Variants in WNK2 observed in about 807,000 individuals in gnomAD.
WNK2 encodes WNK lysine deficient protein kinase 2.
Under a neutral mutation model 192.1 loss-of-function variants are expected in WNK2, and 67 were observed. The observed-to-expected ratio is 0.35, with a 90% CI of 0.29 to 0.43. The LOEUF (loss-of-function observed/expected upper bound fraction) is 0.43, where lower values mean the gene tolerates loss of function less well. WNK2 is among the 20% of genes least tolerant of loss of function. The pLI is 1.00. For synonymous variants in WNK2, 1,439 were observed against 1,393.9 expected (o/e 1.03, Z -0.72); for missense variants, 2,698 against 3,089.7 (o/e 0.87, Z 3.01).
chr9:93,184,950 C>T lies in WNK2; in HGVS notation c.21C>T (p.Arg7=). The change falls in exon 2 of 30, where the codon CGC becomes CGT. Residue 7 remains arginine (R), a synonymous_variant. Coordinates refer to ENST00000427277, the MANE Select transcript of WNK2 (RefSeq NM_006648.4). MDGDGG[R]RDVPGTLMEP... is the part of the protein sequence containing the mutation. ...CAGAGATGGACGGCGATGGCGGCCG[C>T]CGAGACGTCCCCGGCACGCTGATGG... is the stretch of plus-strand genomic sequence containing the variant. 8.1e-7 allele frequency: 1 copy of T among 1,232,384 alleles called. No individual in the cohort carries two copies. The highest frequency in any genetic ancestry group is 1.0e-6 in the Non-Finnish European group (1 of 989,574). The allele number at this position is 1,232,384 out of a possible 1,614,324, so 76.3% of individuals were successfully genotyped here.
Position 93,293,004 on chromosome 9 carries a change from C to A in WNK2, c.5539C>A (p.Pro1847Thr). The change falls in exon 23 of 30, where the codon CCT (proline) becomes ACT (threonine). Residue 1847 changes from proline (P) to threonine (T), a missense_variant. Pro to Thr is a conservative substitution (Grantham distance 38, BLOSUM62 -1). Around this residue, in one of 7 missense-constraint regions of WNK2, gnomAD observed 1,098 missense variants for 1,101.0 expected, o/e 1.00. Transcript: ENST00000427277. ...GAAGGCCACCGCCTTCCTGCAGAGGCCTTCTCGGGCCGGCTCGCTGGGCCC... is the reference window on the plus strand; with the variant it reads ...GAAGGCCACCGCCTTCCTGCAGAGGACTTCTCGGGCCGGCTCGCTGGGCCC... ...VKKATAFLQR[P>T]SRAGSLGPET... 1 of 1,588,058 alleles carries A rather than the reference C, an allele frequency of 6.3e-7. No individual in the cohort carries two copies. Among genetic ancestry groups the A allele is most frequent in the Non-Finnish European group, 8.6e-7 (1 of 1,168,438 alleles).
At chr9:93,254,815 AAAAAG>A (rs1324462707) in intron 9 of WNK2, among the ~76,000 whole-genome samples, 4 of 152,186 alleles carry the variant, frequency 2.6e-5, no homozygotes, top group Non-Finnish European at 4.4e-5. Flanking sequence ...AATTTAAAAA[AAAAAG>A]AAAAGAAAAG....
intron 19 of WNK2, among the ~76,000 whole-genome samples, chr9:93,275,829 C>CA (rs1486717569): frequency 6.6e-6 from 1 of 152,094 alleles, no homozygotes; most frequent in East Asian, 1.9e-4. Context: ...ATTGAAAACC[C>CA]AAAATTTGAA....
intron 19 of WNK2, among the ~76,000 whole-genome samples, chr9:93,269,903 A>G (rs1845781178): frequency 6.6e-6 from 1 of 152,256 alleles, no homozygotes; most frequent in Non-Finnish European, 1.5e-5. Flanking sequence ...GAGAATAACC[A>G]AAAAATGATA....
intron 19 of WNK2, among the ~76,000 whole-genome samples, chr9:93,281,352 T>A (rs1195692669): frequency 7.2e-6 from 1 of 138,420 alleles, no homozygotes; most frequent in African/African-American, 2.5e-5. Flanking sequence ...GAAATTTTTG[T>A]CAAAGAATTA....
At chr9:93,231,643 T>C (rs1327287655) in intron 4 of WNK2, among the ~76,000 whole-genome samples, 1 of 152,206 alleles carries the variant, frequency 6.6e-6, no homozygotes, top group African/African-American at 2.4e-5. Flanking sequence ...TCCACATACC[T>C]GCGGGGCGGG....
intron 2 of WNK2, among the ~76,000 whole-genome samples, chr9:93,223,785 C>T (rs549867082): frequency 3.3e-5 from 5 of 152,334 alleles, no homozygotes; most frequent in South Asian, 2.1e-4. Flanking sequence ...ACCAGGAGGG[C>T]GTGGAGTGTG....
chr9:93,239,122 C>T lies in WNK2; in HGVS notation c.1323-635C>T, dbSNP rs1443085152. 6.6e-6 allele frequency among the ~76,000 whole-genome samples: 1 copy of T among 152,222 alleles called. No homozygotes were observed. Among genetic ancestry groups the T allele is most frequent in the Non-Finnish European group, 1.5e-5 (1 of 68,032 alleles). ...CTTTGGGTGGCCAAGCCCTGCAGAG[C>T]CCCGAAGTGGTCACCATGGCAACAC... On this transcript the variant is annotated intron_variant, in intron 6 of 29. Transcript: ENST00000427277. This position sits in a 1 kb window ranked among gnomAD's most constrained non-coding sequence, Gnocchi z 4.2.
chr9:93,252,975 G>T lies in WNK2; in HGVS notation c.1927G>T (p.Ala643Ser), dbSNP rs545230085. Residue 643 changes from alanine (A) to serine (S), a missense_variant, in exon 9 of 30, where the codon GCA (alanine) becomes TCA (serine). Physicochemically the swap from Ala to Ser is moderately conservative, Grantham distance 99 (BLOSUM62 1). Transcript: ENST00000427277. ...CGTGATGCTTGGCTCCCTTGCCGAC[G>T]CAGCGCCGTCCCCGGCCCAGTGTGT... ...QSVMLGSLAD[A>S]APSPAQCVCS... 2 of 1,568,938 alleles carry T rather than the reference G, an allele frequency of 1.3e-6. No individual in the cohort carries two copies. The highest frequency in any genetic ancestry group is 1.4e-5 in the African/African-American group (1 of 73,706).
intron 27 of WNK2, 106 bp downstream of exon 27, chr9:93,306,927 G>A: frequency 3.5e-6 from 5 of 1,427,988 alleles, no homozygotes; most frequent in South Asian, 2.3e-5. Context: ...GGCCTGCCCT[G>A]TGCCTGCCCC....
At chr9:93,306,724 T>G in intron 26 of WNK2, 53 bp from the exon 27 acceptor site, 10 of 1,609,668 alleles carry the variant, frequency 6.2e-6, no homozygotes, top group Non-Finnish European at 8.5e-6. Context: ...TGTCCCAGTG[T>G]GTGCTGTTCT....
In WNK2 at chr9:93,257,305, T is replaced by TTG. The variant is rs2132794374; in HGVS notation, c.2382+166_2382+167insTG. Among the ~76,000 whole-genome samples, 4 of 152,260 alleles carry TTG rather than the reference T, an allele frequency of 2.6e-5. No homozygotes were observed. The highest frequency in any genetic ancestry group is 9.6e-5 in the African/African-American group (4 of 41,552). On this transcript the variant is annotated intron_variant, in intron 11 of 29. Transcript: ENST00000427277. This position sits in a 1 kb window ranked among gnomAD's most constrained non-coding sequence, Gnocchi z 4.7. ...GGGCTGGGGAGTCCGGGCTGGGCAGTGTGCACAGTCATATGCACCAGGAAC... is the reference window on the plus strand; with the variant it reads ...GGGCTGGGGAGTCCGGGCTGGGCAGTTGGTGCACAGTCATATGCACCAGGAAC...
chr9:93,317,977 G>A (rs779071580), intron 29 of WNK2: 3 of 1,612,606 alleles, frequency 1.9e-6, no homozygotes, highest in South Asian at 2.2e-5. Context: ...GGGACAGCGG[G>A]TGGGCAGCAA....
intron 2 of WNK2, among the ~76,000 whole-genome samples, chr9:93,202,051 G>T (rs1587835103): frequency 6.6e-6 from 1 of 152,320 alleles, no homozygotes; most frequent in East Asian, 1.9e-4. Context: ...GGTCACAGGG[G>T]GGTCTCACAC....
At chr9:93,186,918 C>T (rs550381255) in intron 2 of WNK2, among the ~76,000 whole-genome samples, 1 of 152,158 alleles carries the variant, frequency 6.6e-6, no homozygotes, top group Non-Finnish European at 1.5e-5. Flanking sequence ...CCTGTAGGTT[C>T]TGATGGTACA....
Position 93,229,917 on chromosome 9 carries a change from G to A in WNK2, c.854+49G>A, listed in dbSNP as rs373735051. On this transcript the variant is annotated intron_variant, in intron 3 of 29. Coordinates refer to ENST00000427277, the MANE Select transcript of WNK2 (RefSeq NM_006648.4). The surrounding 1 kb of genome is among the most constrained non-coding windows in gnomAD (Gnocchi z 4.9). Reference sequence around the variant, plus strand: ...GGGGCGGGTCCTGGCATGGGTGCAGGGCTACCATAGCTGAGGGTGAGGTCT... The same window carrying A: ...GGGGCGGGTCCTGGCATGGGTGCAGAGCTACCATAGCTGAGGGTGAGGTCT... 2.6e-5 allele frequency: 42 copies of A among 1,589,590 alleles called. 1 individual carries two copies. In the Admixed American group the frequency reaches 6.3e-4, roughly 24 times the overall value.
Position 93,253,074 on chromosome 9 carries a change from A to G in WNK2, c.2026A>G (p.Thr676Ala). ...CTCGCTGGGGGCCTACCAGCAGCCC[A>G]CGGCTGCAGTGAGTCAGAGCATCAC... ...LPSLGAYQQPTAAPGLPVGSV... is the reference protein window; with the variant it reads ...LPSLGAYQQPAAAPGLPVGSV... The change falls in exon 9 of 30, where the codon ACG becomes GCG. Residue 676 changes from threonine (T) to alanine (A), a missense_variant. Physicochemically the swap from Thr to Ala is moderately conservative, Grantham distance 58. This residue lies in a region of WNK2 where 893 missense variants were observed against 909.0 expected (regional missense o/e 0.98). Transcript: ENST00000427277. 1 of 1,468,284 alleles carries G rather than the reference A, an allele frequency of 6.8e-7. No homozygotes were observed. Among genetic ancestry groups the G allele is most frequent in the South Asian group, 1.4e-5 (1 of 73,602 alleles). 91.0% of individuals were successfully genotyped at this position (1,468,284 alleles called of 1,614,324 possible).
At chr9:93,200,051 G>C (rs115147425) in intron 2 of WNK2, among the ~76,000 whole-genome samples, 142 of 152,296 alleles carry the variant, frequency 9.3e-4, no homozygotes, top group African/African-American at 2.9e-3. Flanking sequence ...CAGGCGTTGC[G>C]TGGGGATGCT....
In WNK2 at chr9:93,289,304, C is replaced by T; in HGVS notation, c.4550C>T (p.Pro1517Leu). 1 of 1,599,440 alleles carries T rather than the reference C, an allele frequency of 6.3e-7. No individual in the cohort carries two copies. ...CTGGCCACCTCCCAGCTCCCAAGCC[C>T]ACCCCTGGGGCCCACCGTCCCCCCA... Reference protein sequence around the residue: ...VSLATSQLPSPPLGPTVPPQP... With the variant: ...VSLATSQLPSLPLGPTVPPQP... Residue 1517 changes from proline (P) to leucine (L), a missense_variant, in exon 20 of 30, where the codon CCA (proline) becomes CTA (leucine). Pro to Leu is a moderately conservative substitution (Grantham distance 98). Around this residue, in one of 7 missense-constraint regions of WNK2, gnomAD observed 1,098 missense variants for 1,101.0 expected, o/e 1.00. Coordinates refer to ENST00000427277, the MANE Select transcript of WNK2 (RefSeq NM_006648.4).
Sources: gnomAD v4.1 joint callset for allele counts (sites outside exome capture counted in the v4.1 genomes callset) on GRCh38, gnomAD v4.1.1 for gene constraint, gnomAD v4.1.1 regional missense constraint, Gnocchi (gnomAD v3.1) non-coding constraint, MANE v1.5 for transcripts, NCBI Gene and HGNC (gene_info 2026-07-23, HGNC 2026-07-21) for gene names.